The following RUBCNL variants were observed in gnomAD, a reference collection of about 807,000 sequenced individuals.
RUBCNL encodes protein associated with UVRAG as autophagy enhancer.
Under a neutral mutation model 69.5 loss-of-function variants are expected in RUBCNL, and 62 were observed. That is an observed-to-expected ratio of 0.89 (90% CI 0.73 to 1.10). The LOEUF (loss-of-function observed/expected upper bound fraction) is 1.10, where lower values mean the gene tolerates loss of function less well. Among genes scored for constraint, RUBCNL ranks in the 50% least tolerant of loss-of-function variants. RUBCNL has a pLI of 0.00. For missense variants in RUBCNL, 768 were observed against 798.1 expected (o/e 0.96, Z 0.45); for synonymous variants, 291 against 303.6 (o/e 0.96, Z 0.43).
chr13:46,355,523 C>T (rs372579792), intron 10 of RUBCNL, among the ~76,000 whole-genome samples: 15 of 152,104 alleles, frequency 9.9e-5, no homozygotes, highest in African/African-American at 3.4e-4. Context: ...GTCTCAAACT[C>T]CTGACCTCAG....
chr13:46,368,781 C>A lies in RUBCNL; in HGVS notation c.570G>T (p.Ser190=). ...AVQVSRRTIS[S]NSFSPEVFVL... is the part of the protein sequence containing the mutation. Reference sequence around the variant, plus strand: ...CAAATACCTCTGGTGAGAAGGAATTCGAAGAAATGGTTCTTCTACTGACTT... The same window carrying A: ...CAAATACCTCTGGTGAGAAGGAATTAGAAGAAATGGTTCTTCTACTGACTT... Residue 190 remains serine, a synonymous_variant, in exon 4 of 15, where the codon TCG becomes TCT. Coordinates refer to ENST00000429979, the MANE Select transcript of RUBCNL (RefSeq NM_025113.5). 1 of 1,613,652 alleles carries A rather than the reference C, an allele frequency of 6.2e-7. No individual in the cohort carries two copies. Among genetic ancestry groups the A allele is most frequent in the Admixed American group, 1.7e-5 (1 of 59,970 alleles).
At chr13:46,364,224 T>A (rs1217390788) in intron 5 of RUBCNL, among the ~76,000 whole-genome samples, 1 of 151,786 alleles carries the variant, frequency 6.6e-6, no homozygotes, top group Non-Finnish European at 1.5e-5. Context: ...TGAAACCCCA[T>A]CTCTACTAAA....
upstream of RUBCNL, among the ~76,000 whole-genome samples, chr13:46,388,258 A>AAGGCAGGC (rs372257587): frequency 1.4e-5 from 2 of 139,340 alleles, no homozygotes; most frequent in Non-Finnish European, 3.1e-5. Flanking sequence ...GGGAGGGAGG[A>AAGGCAGGC]AGGCAGGCAG....
intron 2 of RUBCNL, among the ~76,000 whole-genome samples, chr13:46,375,882 T>C (rs932990467): frequency 2.0e-5 from 3 of 152,228 alleles, no homozygotes; most frequent in African/African-American, 7.2e-5. Context: ...ATGTGGATTT[T>C]CTTCCATATC....
intron 4 of RUBCNL, 182 bp from the exon 5 acceptor site, chr13:46,368,431 A>G: frequency 1.0e-6 from 1 of 984,120 alleles, no homozygotes; most frequent in Non-Finnish European, 1.2e-6. Flanking sequence ...CCAGAGACAT[A>G]GATTCGGCTT....
chr13:46,385,646 C>G (rs1047497655), intron 1 of RUBCNL, among the ~76,000 whole-genome samples: 1 of 143,092 alleles, frequency 7.0e-6, no homozygotes, highest in Non-Finnish European at 1.5e-5. Context: ...TAGTTTTTTA[C>G]TTATCCTCTA....
intron 12 of RUBCNL, among the ~76,000 whole-genome samples, chr13:46,347,091 G>C (rs2048261881): frequency 6.6e-6 from 1 of 152,200 alleles, no homozygotes; most frequent in South Asian, 2.1e-4. Flanking sequence ...CCCAGGGAGA[G>C]AGCATAATAC....
intron 2 of RUBCNL, among the ~76,000 whole-genome samples, chr13:46,377,505 C>T (rs565772247): frequency 1.8e-4 from 27 of 152,334 alleles, no homozygotes; most frequent in African/African-American, 6.5e-4. Flanking sequence ...ATCAAGTGAT[C>T]CACCCAACTC....
rs1204690753 is a variant in RUBCNL, at chr13:46,364,089, C to T, written c.827-876G>A. Among the ~76,000 whole-genome samples the T allele has an allele frequency of 5.9e-5, 9 of 151,850 alleles. No homozygotes were observed. In the East Asian group the frequency reaches 1.7e-3, roughly 29 times the overall value. On this transcript the variant is annotated intron_variant, in intron 5 of 14. Transcript: ENST00000429979. ...CAGTTGTTTAAGGAAATAGCCTAGC[C>T]CATAGTTTACATAGAAGTTATGTGG...
chr13:46,386,134 T>C (rs187043352), intron 1 of RUBCNL, among the ~76,000 whole-genome samples: 1 of 152,256 alleles, frequency 6.6e-6, no homozygotes, highest in Admixed American at 6.5e-5. Context: ...CACAGGATAC[T>C]TTATAGGCTT....
Position 46,372,234 on chromosome 13 carries a change from A to C in RUBCNL, c.242T>G (p.Val81Gly). Residue 81 changes from valine (V) to glycine (G), a missense_variant, in exon 3 of 15, where the codon GTG becomes GGG. Transcript: ENST00000429979. ...GCCTGAGGGAGAGGCAGCATCTGTC[A>C]CAAAATGGGTCCCACTGTTCCCTGC... Reference protein sequence around the residue: ...PAAGNSGTHFVTDAASPSGPS... With the variant: ...PAAGNSGTHFGTDAASPSGPS... The C allele has an allele frequency of 6.2e-7, 1 of 1,614,032 alleles. No homozygotes were observed. Among genetic ancestry groups the C allele is most frequent in the Non-Finnish European group, 8.5e-7 (1 of 1,179,892 alleles).
At position 46,341,678 on chromosome 13, in the gene RUBCNL, A is replaced by T. The variant is rs1385161737; in HGVS notation, c.*1707T>A. Among the ~76,000 whole-genome samples the T allele has an allele frequency of 6.6e-6, 1 of 152,210 alleles. No individual in the cohort carries two copies. The highest frequency in any genetic ancestry group is 6.5e-5 in the Admixed American group (1 of 15,280). On this transcript the variant is annotated 3_prime_UTR_variant, in exon 15 of 15. Coordinates refer to ENST00000429979, the MANE Select transcript of RUBCNL (RefSeq NM_025113.5). ...CCTTAAATCAACACTGATGTGAGAAAACACTCTGCCCAATGCCACTTCTGC... is the reference window on the plus strand; with the variant it reads ...CCTTAAATCAACACTGATGTGAGAATACACTCTGCCCAATGCCACTTCTGC...
Position 46,362,185 on chromosome 13 carries a change from C to T in RUBCNL, c.986+353G>A, listed in dbSNP as rs901663033. ...CCAGGAGGCGGAGGTTGCAGTGAGC[C>T]GAGATTGGGCCATTGCACTCTACCC... On this transcript the variant is annotated intron_variant, in intron 7 of 14. Coordinates refer to ENST00000429979, the MANE Select transcript of RUBCNL (RefSeq NM_025113.5). Among the ~76,000 whole-genome samples, 57 of 151,930 alleles carry T rather than the reference C, an allele frequency of 3.8e-4. 1 individual carries two copies. Among genetic ancestry groups the T allele is most frequent in the Non-Finnish European group, 2.5e-4 (17 of 68,000 alleles).
chr13:46,380,590 G>T (rs2049096800), intron 1 of RUBCNL, among the ~76,000 whole-genome samples: 1 of 151,982 alleles, frequency 6.6e-6, no homozygotes, highest in Non-Finnish European at 1.5e-5. Flanking sequence ...TAAAATATAG[G>T]ATTAAGACCT....
upstream of RUBCNL, chr13:46,387,555 T>A: frequency 1.0e-6 from 1 of 985,644 alleles, no homozygotes; most frequent in East Asian, 1.1e-4. Flanking sequence ...GTCAAAGACC[T>A]GGCAGAAATG....
intron 2 of RUBCNL, among the ~76,000 whole-genome samples, chr13:46,373,693 G>A (rs2048928604): frequency 6.6e-6 from 1 of 152,262 alleles, no homozygotes; most frequent in African/African-American, 2.4e-5. Flanking sequence ...AAGGCCTAGA[G>A]ATAGAAGGGT....
intron 12 of RUBCNL, among the ~76,000 whole-genome samples, chr13:46,347,308 G>A (rs1208132927): frequency 6.6e-6 from 1 of 152,132 alleles, no homozygotes; most frequent in Non-Finnish European, 1.5e-5. Flanking sequence ...TTGGGAGGGT[G>A]AGGCACGAGA....
intron 8 of RUBCNL, among the ~76,000 whole-genome samples, chr13:46,360,260 C>T (rs1422260987): frequency 1.3e-5 from 2 of 152,098 alleles, no homozygotes; most frequent in African/African-American, 2.4e-5. Context: ...ATTGCTTGAA[C>T]CCAGGAGGTG....
chr13:46,381,031 G>C (rs1415369031), intron 1 of RUBCNL, among the ~76,000 whole-genome samples: 1 of 152,152 alleles, frequency 6.6e-6, no homozygotes, highest in Non-Finnish European at 1.5e-5. Context: ...AAAATGGAAA[G>C]CCATATTGGA....
Sources: allele counts gnomAD v4.1 joint callset (sites outside exome capture counted in the v4.1 genomes callset), GRCh38; gene constraint gnomAD v4.1.1; transcripts MANE v1.5; gene names NCBI Gene and HGNC (gene_info 2026-07-23, HGNC 2026-07-21).